BMP6: variants seen among roughly 807,000 people sequenced by gnomAD.
BMP6 encodes the protein bone morphogenetic protein 6.
A neutral mutation model predicts 54.1 loss-of-function variants in BMP6; 17 were observed. The observed-to-expected ratio is 0.31, with a 90% confidence interval of 0.22 to 0.47. The LOEUF (loss-of-function observed/expected upper bound fraction) is 0.47. Ranked by LOEUF, BMP6 falls within the 20% of genes least tolerant of loss-of-function variation. The pLI, the probability that BMP6 is intolerant of heterozygous loss-of-function variation, is 1.00. For synonymous variants in BMP6, 328 were observed against 291.2 expected (o/e 1.13, Z -1.28); for missense variants, 720 against 690.4 (o/e 1.04, Z -0.48).
At chr6:7,731,131 C>T (rs1761848860) in intron 1 of BMP6, among the ~76,000 whole-genome samples, 1 of 152,218 alleles carries the variant, frequency 6.6e-6, no homozygotes, top group Non-Finnish European at 1.5e-5. Context: ...TGGGATGTGT[C>T]ACCTTCTAAA....
chr6:7,754,591 T>C (rs777539440), intron 1 of BMP6, among the ~76,000 whole-genome samples: 2 of 152,276 alleles, frequency 1.3e-5, no homozygotes, highest in Non-Finnish European at 2.9e-5. Context: ...CTGGATGAAC[T>C]TGATTATTCT....
intron 4 of BMP6, among the ~76,000 whole-genome samples, chr6:7,871,848 G>A (rs1759530885): frequency 6.6e-6 from 1 of 152,188 alleles, no homozygotes; most frequent in Admixed American, 6.5e-5. Context: ...TGTCACAGGC[G>A]CATGTGGACA....
chr6:7,868,641 G>C (rs952639557), intron 4 of BMP6, among the ~76,000 whole-genome samples: 4 of 152,248 alleles, frequency 2.6e-5, no homozygotes, highest in Admixed American at 2.6e-4. Context: ...TAAAAAACAA[G>C]TTTCCTTTGG....
chr6:7,759,990 C>T (rs1369374423), intron 1 of BMP6, among the ~76,000 whole-genome samples: 1 of 151,444 alleles, frequency 6.6e-6, no homozygotes, highest in Non-Finnish European at 1.5e-5. Context: ...CAGGTGTGAG[C>T]CACTACACCT....
chr6:7,753,643 T>C lies in BMP6; in HGVS notation c.664+26024T>C, dbSNP rs187103936. On this transcript the variant is annotated intron_variant, in intron 1 of 6. Coordinates refer to ENST00000283147, the MANE Select transcript of BMP6 (RefSeq NM_001718.6). ...GAGAGAAGTCATACTTCAATGGCAGTGAGACTTTGCCTAGAAATCTACAAA... is the reference window on the plus strand; with the variant it reads ...GAGAGAAGTCATACTTCAATGGCAGCGAGACTTTGCCTAGAAATCTACAAA... 4.0e-3 allele frequency among the ~76,000 whole-genome samples: 613 copies of C among 152,314 alleles called. 15 individuals are homozygous for C. The highest frequency in any genetic ancestry group is 1.4e-3 in the Non-Finnish European group (98 of 68,026).
chr6:7,835,395 G>A (rs1272294547), intron 1 of BMP6, among the ~76,000 whole-genome samples: 2 of 152,182 alleles, frequency 1.3e-5, no homozygotes, highest in Admixed American at 1.3e-4. Context: ...CACCGTGCCC[G>A]GCCAGGAATG....
chr6:7,759,037 T>C (rs991795178), intron 1 of BMP6, among the ~76,000 whole-genome samples: 1 of 152,208 alleles, frequency 6.6e-6, no homozygotes, highest in African/African-American at 2.4e-5. Context: ...TCCAGCACAG[T>C]GTCTGCTCAG....
chr6:7,797,597 C>T (rs1448658380), intron 1 of BMP6, among the ~76,000 whole-genome samples: 1 of 152,146 alleles, frequency 6.6e-6, no homozygotes, highest in Admixed American at 6.5e-5. Flanking sequence ...CATTTCATCA[C>T]ACCACTGTTC....
chr6:7,813,409 C>G (rs1758469516), intron 1 of BMP6, among the ~76,000 whole-genome samples: 1 of 121,906 alleles, frequency 8.2e-6, no homozygotes, highest in African/African-American at 3.2e-5. Flanking sequence ...TTGCTTAACC[C>G]TAGGAATCTG....
intron 1 of BMP6, among the ~76,000 whole-genome samples, chr6:7,785,822 C>G (rs1440130043): frequency 6.6e-6 from 1 of 152,138 alleles, no homozygotes; most frequent in Admixed American, 6.6e-5. Flanking sequence ...TTCCAAGGAC[C>G]CTTTTGCCAA....
Position 7,813,086 on chromosome 6 carries a change from C to CAAAAAAAAAAAAAAAA in BMP6, c.665-32046_665-32031dup, listed in dbSNP as rs61656035. ...GCAACATGGCAAAGCCCTGTCTCTA[C>CAAAAAAAAAAAAAAAA]AAAAAAAAAAAAAAAAAAAAAAATA... On this transcript the variant is annotated intron_variant, in intron 1 of 6. Coordinates refer to ENST00000283147, the MANE Select transcript of BMP6 (RefSeq NM_001718.6). Among the ~76,000 whole-genome samples, 4 of 4,388 alleles carry CAAAAAAAAAAAAAAAA rather than the reference C, an allele frequency of 9.1e-4. 1 individual carries two copies. The highest frequency in any genetic ancestry group is 2.6e-3 in the African/African-American group (2 of 762). The allele number at this position is 4,388 out of a possible 152,430, so 2.9% of individuals were successfully genotyped here.
intron 1 of BMP6, among the ~76,000 whole-genome samples, chr6:7,795,843 GGCA>G (rs1323078220): frequency 6.6e-6 from 1 of 152,040 alleles, no homozygotes; most frequent in Non-Finnish European, 1.5e-5. Context: ...GTGACTCCTG[GGCA>G]CCCATCTTGA....
intron 1 of BMP6, among the ~76,000 whole-genome samples, chr6:7,839,050 A>G (rs1444617502): frequency 6.6e-6 from 1 of 152,196 alleles, no homozygotes; most frequent in East Asian, 1.9e-4. Flanking sequence ...CTAGTTTAAA[A>G]GAGACTTAAG....
chr6:7,751,589 G>T (rs13217027), intron 1 of BMP6, among the ~76,000 whole-genome samples: 2 of 152,060 alleles, frequency 1.3e-5, no homozygotes, highest in African/African-American at 4.8e-5. Flanking sequence ...AAGATCTGGC[G>T]ATCTGGATTA....
In BMP6 at chr6:7,881,005, T is replaced by G. The variant is rs1326055402; in HGVS notation, c.*662T>G. On this transcript the variant is annotated 3_prime_UTR_variant, in exon 7 of 7. Transcript: ENST00000283147. The stretch of plus-strand genomic sequence containing the variant: ...ATCCTCCATTTGCTGTACTCTTTGC[T>G]AGTACCAAAAGTAGACTGATTACAC... The G allele has an allele frequency of 6.5e-6, 1 of 153,510 alleles. No individual in the cohort carries two copies. Among genetic ancestry groups the G allele is most frequent in the Admixed American group, 6.4e-5 (1 of 15,554 alleles). The allele number at this position is 153,510 out of a possible 1,614,324, so 9.5% of individuals were successfully genotyped here.
chr6:7,834,208 GA>G (rs1247977108), intron 1 of BMP6, among the ~76,000 whole-genome samples: 2 of 131,706 alleles, frequency 1.5e-5, no homozygotes, highest in African/African-American at 5.7e-5. Flanking sequence ...TTTTTTTTAG[GA>G]AAAAAAAGTA....
chr6:7,856,977 T>TCAGGAAA (rs1759251077), intron 2 of BMP6, among the ~76,000 whole-genome samples: 1 of 152,158 alleles, frequency 6.6e-6, no homozygotes, highest in Admixed American at 6.5e-5. Context: ...GATGGGTGTG[T>TCAGGAAA]GGTTTGTCAG....
intron 4 of BMP6, among the ~76,000 whole-genome samples, chr6:7,875,665 T>G (rs1265802674): frequency 6.6e-6 from 1 of 152,026 alleles, no homozygotes; most frequent in Admixed American, 6.6e-5. Context: ...AAAACCCCAT[T>G]GCAGAAAAAA....
At chr6:7,741,896 A>C (rs1757272533) in intron 1 of BMP6, among the ~76,000 whole-genome samples, 1 of 152,224 alleles carries the variant, frequency 6.6e-6, no homozygotes, top group African/African-American at 2.4e-5. Flanking sequence ...TATCCTATTA[A>C]AATGTTTTAT....
Sources: gnomAD v4.1 joint callset for allele counts (sites outside exome capture counted in the v4.1 genomes callset) on GRCh38, gnomAD v4.1.1 for gene constraint, MANE v1.5 for transcripts, NCBI Gene and HGNC (gene_info 2026-07-23, HGNC 2026-07-21) for gene names.